TOP1: variants seen among roughly 807,000 people sequenced by gnomAD.
TOP1 encodes DNA topoisomerase I, also known as DNA topoisomerase 1.
TOP1 carries 10 observed loss-of-function variants against 111.1 expected under a neutral mutation model. The ratio of observed to expected loss-of-function variants is 0.09; its 90% CI spans 0.06 to 0.15. The LOEUF is 0.15. TOP1 is among the 10% of genes least tolerant of loss of function. TOP1 has a pLI of 1.00. For synonymous variants in TOP1, 271 were observed against 302.9 expected (o/e 0.89, Z 1.10); for missense variants, 474 against 926.7 (o/e 0.51, Z 6.34).
intron 2 of TOP1, among the ~76,000 whole-genome samples, chr20:41,039,596 T>A (rs2033234538): frequency 6.6e-6 from 1 of 152,234 alleles, no homozygotes. Flanking sequence ...GACATCCATG[T>A]TGCATGAATT....
rs960541700 is a variant in TOP1 at position 41,115,513 on chromosome 20, T to C, written c.1707+74T>C. The C allele has an allele frequency of 3.0e-5, 35 of 1,177,932 alleles. No homozygotes were observed. In the African/African-American group the frequency reaches 4.2e-4, roughly 14 times the overall value. 73.0% of individuals were successfully genotyped at this position (1,177,932 alleles called of 1,614,324 possible). On this transcript the variant is annotated intron_variant, in intron 16 of 20. Coordinates refer to ENST00000361337, the MANE Select transcript of TOP1 (RefSeq NM_003286.4). This position sits in a 1 kb window ranked among gnomAD's most constrained non-coding sequence, Gnocchi z 6.3. ...CACAGTACCTAAAGGGGAGGGTTGC[T>C]GGCAGATGACTTGGGCTCTCCCTTT...
rs1427050999 is a variant in TOP1 at position 41,067,752 on chromosome 20, G to A, written c.155+6262G>A. ...CTATACTTAGGACCCAAGCCCAGGA[G>A]GCATTTACTGTCCTGTGCAGTAGCA... is the stretch of plus-strand genomic sequence containing the variant. On this transcript the variant is annotated intron_variant, in intron 3 of 20. Coordinates refer to ENST00000361337, the MANE Select transcript of TOP1 (RefSeq NM_003286.4). The surrounding 1 kb of genome is among the most constrained non-coding windows in gnomAD (Gnocchi z 4.0). Among the ~76,000 whole-genome samples the A allele has an allele frequency of 6.6e-6, 1 of 152,200 alleles. No individual in the cohort carries two copies. Among genetic ancestry groups the A allele is most frequent in the East Asian group, 1.9e-4 (1 of 5,198 alleles).
At chr20:41,057,735 G>GT (rs1318374564) in intron 2 of TOP1, among the ~76,000 whole-genome samples, 1 of 151,964 alleles carries the variant, frequency 6.6e-6, no homozygotes, top group Admixed American at 6.6e-5. Flanking sequence ...ACACAGAGTA[G>GT]TTTTTTTTAA....
At chr20:41,039,358 G>T (rs1307252365) in intron 2 of TOP1, among the ~76,000 whole-genome samples, 2 of 152,292 alleles carry the variant, frequency 1.3e-5, no homozygotes, top group Middle Eastern at 3.4e-3. Context: ...CACTATCAGT[G>T]CAAGAGAGTG....
At position 41,112,919 on chromosome 20, in the gene TOP1, C is replaced by T. The variant is rs147984700; in HGVS notation, c.1446C>T (p.Ile482=). 5.1e-5 allele frequency: 83 copies of T among 1,613,888 alleles called. No homozygotes were observed. The African/African-American group carries it at 8.8e-4, about 17-fold the overall frequency. The part of the protein sequence containing the change: ...VRQRAVALYF[I]DKLALRAGNE... ...AGAGAGCTGTAGCCCTGTACTTCAT[C>T]GACAAGGTGAGAGCATCTTCCCATC... is the stretch of plus-strand genomic sequence containing the variant. Residue 482 remains isoleucine (I), a synonymous_variant, in exon 14 of 21, where the codon ATC becomes ATT. Coordinates refer to ENST00000361337, the MANE Select transcript of TOP1 (RefSeq NM_003286.4). This position sits in a 1 kb window ranked among gnomAD's most constrained non-coding sequence, Gnocchi z 5.8.
chr20:41,109,805 T>A lies in TOP1; in HGVS notation c.1309-2977T>A, dbSNP rs892418060. On this transcript the variant is annotated intron_variant, in intron 13 of 20. Transcript: ENST00000361337. The surrounding 1 kb of genome is among the most constrained non-coding windows in gnomAD (Gnocchi z 4.1). ...CTAGGTATTTTTACCTCAAGTGAAA[T>A]AAAAACATTTATCCATGAAAAAACT... 2.6e-5 allele frequency among the ~76,000 whole-genome samples: 4 copies of A among 152,134 alleles called. No individual in the cohort carries two copies. Among genetic ancestry groups the A allele is most frequent in the Non-Finnish European group, 4.4e-5 (3 of 68,006 alleles).
chr20:41,028,923 C>A lies in TOP1; in HGVS notation c.-145C>A. 1.5e-6 allele frequency: 1 copy of A among 650,148 alleles called. No individual in the cohort carries two copies. The highest frequency in any genetic ancestry group is 2.6e-6 in the Non-Finnish European group (1 of 383,248). The allele number at this position is 650,148 out of a possible 1,614,324, so 40.3% of individuals were successfully genotyped here. On this transcript the variant is annotated 5_prime_UTR_variant, in exon 1 of 21. It adds an upstream start codon to the 5' untranslated region. Transcript: ENST00000361337. ...GCCGTGGTAGCAGCCTCAGCCGTTT[C>A]TGGAGTCTCGGGCCCACAGTCACCG... is the stretch of plus-strand genomic sequence containing the variant.
At position 41,079,981 on chromosome 20, in the gene TOP1, CT is replaced by C; in HGVS notation, c.336-102del. ...TCTTCATGATATGTACGTGGTTATC[CT>C]TATTTCTGTTAGCTTCTTTTCAACG... On this transcript the variant is annotated intron_variant, in intron 5 of 20. Transcript: ENST00000361337. This position sits in a 1 kb window ranked among gnomAD's most constrained non-coding sequence, Gnocchi z 4.0. 1.3e-6 allele frequency: 1 copy of C among 742,652 alleles called. No homozygotes were observed. The highest frequency in any genetic ancestry group is 2.3e-6 in the Non-Finnish European group (1 of 430,276). 46.0% of individuals were successfully genotyped at this position (742,652 alleles called of 1,614,324 possible). A position where few individuals can be genotyped will look rare whatever the true frequency, so the allele number is the denominator to read the frequency against.
chr20:41,053,013 G>GT (rs1206996994), intron 2 of TOP1, among the ~76,000 whole-genome samples: 2 of 152,058 alleles, frequency 1.3e-5, no homozygotes, highest in Admixed American at 6.6e-5. Flanking sequence ...AAAAAACTCT[G>GT]TTTTGGACAC....
chr20:41,039,320 T>C (rs910940697), intron 2 of TOP1, among the ~76,000 whole-genome samples: 4 of 152,204 alleles, frequency 2.6e-5, no homozygotes, highest in Non-Finnish European at 1.5e-5. Context: ...GAATGGGGAC[T>C]GGAGGTACTT....
At chr20:41,077,713 C>CT in intron 5 of TOP1, 76 bp downstream of exon 5, 1 of 1,394,848 alleles carries the variant, frequency 7.2e-7, no homozygotes, top group Non-Finnish European at 1.0e-6. Flanking sequence ...GTAGTGTTGT[C>CT]TGAGTTAACC....
At chr20:41,040,462 A>G (rs928441938) in intron 2 of TOP1, among the ~76,000 whole-genome samples, 17 of 152,166 alleles carry the variant, frequency 1.1e-4, no homozygotes, top group Non-Finnish European at 2.4e-4. Context: ...TAATGCTTCC[A>G]CTTAACCAGG....
At position 41,032,802 on chromosome 20, in the gene TOP1, T is replaced by C. The variant is rs73909128; in HGVS notation, c.58+3347T>C. On this transcript the variant is annotated intron_variant, in intron 2 of 20. Coordinates refer to ENST00000361337, the MANE Select transcript of TOP1 (RefSeq NM_003286.4). The surrounding 1 kb of genome is among the most constrained non-coding windows in gnomAD (Gnocchi z 4.3). ...TGTACTTCTGTCTGTTGGGTATGGG[T>C]TGGGATGGGCGGTAGCATAGCTGAT... Among the ~76,000 whole-genome samples, 1,085 of 152,252 alleles carry C rather than the reference T, an allele frequency of 7.1e-3. 9 individuals carry two copies. The highest frequency in any genetic ancestry group is 0.025 in the African/African-American group (1,039 of 41,516).
chr20:41,040,576 C>G (rs922456020), intron 2 of TOP1, among the ~76,000 whole-genome samples: 1 of 152,134 alleles, frequency 6.6e-6, no homozygotes, highest in Admixed American at 6.5e-5. Context: ...AGGCACCCCA[C>G]ACTGAGAAGT....
At chr20:41,120,866 C>T (rs1490036993) in intron 18 of TOP1, among the ~76,000 whole-genome samples, 7 of 152,252 alleles carry the variant, frequency 4.6e-5, no homozygotes, top group African/African-American at 1.7e-4. Flanking sequence ...CTCAGCCTCC[C>T]GAGTAGCTGG....
rs577370643 is a variant in TOP1 at position 41,083,061 on chromosome 20, T to A, written c.508-1401T>A. On this transcript the variant is annotated intron_variant, in intron 7 of 20. Transcript: ENST00000361337. This position sits in a 1 kb window ranked among gnomAD's most constrained non-coding sequence, Gnocchi z 7.2. ...TTAAACCTCACTCGCCAACTATAGT[T>A]TTTTTGTTTTTTGTTTTTTTCTCTT... Among the ~76,000 whole-genome samples, 922 of 152,180 alleles carry A rather than the reference T, an allele frequency of 6.1e-3. 6 individuals are homozygous for A. The highest frequency in any genetic ancestry group is 0.019 in the South Asian group (90 of 4,814).
chr20:41,076,620 C>T (rs943672036), intron 4 of TOP1, among the ~76,000 whole-genome samples: 1 of 152,100 alleles, frequency 6.6e-6, no homozygotes, highest in Non-Finnish European at 1.5e-5. Flanking sequence ...AGGTTCTTCC[C>T]GAGTGAAAAT....
chr20:41,079,295 C>T lies in TOP1; in HGVS notation c.336-790C>T, dbSNP rs1600576058. Among the ~76,000 whole-genome samples, 1 of 152,156 alleles carries T rather than the reference C, an allele frequency of 6.6e-6. No individual in the cohort carries two copies. The highest frequency in any genetic ancestry group is 1.5e-5 in the Non-Finnish European group (1 of 68,016). On this transcript the variant is annotated intron_variant, in intron 5 of 20. Coordinates refer to ENST00000361337, the MANE Select transcript of TOP1 (RefSeq NM_003286.4). This position sits in a 1 kb window ranked among gnomAD's most constrained non-coding sequence, Gnocchi z 4.0. ...GGCAGTGAGGTTCTGAAGAGATGTG[C>T]CAGGCCAGGGAGCATCCCATGGCTG...
At position 41,102,781 on chromosome 20, in the gene TOP1, A is replaced by C. The variant is rs953084415; in HGVS notation, c.1308+1428A>C. ...TATATGGCTACAAAAGCAGAAAAAT[A>C]ATAGTTTTAGCCCTTAAGGAACTTA... On this transcript the variant is annotated intron_variant, in intron 13 of 20. Coordinates refer to ENST00000361337, the MANE Select transcript of TOP1 (RefSeq NM_003286.4). The surrounding 1 kb of genome is among the most constrained non-coding windows in gnomAD (Gnocchi z 4.0). 6.6e-6 allele frequency among the ~76,000 whole-genome samples: 1 copy of C among 152,198 alleles called. No individual in the cohort carries two copies. Among genetic ancestry groups the C allele is most frequent in the Admixed American group, 6.5e-5 (1 of 15,274 alleles).
Sources: gnomAD v4.1 joint callset for allele counts (sites outside exome capture counted in the v4.1 genomes callset) on GRCh38, gnomAD v4.1.1 for gene constraint, Gnocchi (gnomAD v3.1) non-coding constraint, MANE v1.5 for transcripts, NCBI Gene and HGNC (gene_info 2026-07-23, HGNC 2026-07-21) for gene names.